The following SETBP1 variants were observed in gnomAD, a reference collection of about 807,000 sequenced individuals.
SETBP1 encodes SET binding protein 1.
A neutral mutation model predicts 101.0 loss-of-function variants in SETBP1; 9 were observed. That is an observed-to-expected ratio of 0.09 (90% CI 0.05 to 0.16). SETBP1 has a LOEUF of 0.16. Among genes scored for constraint, SETBP1 ranks in the 10% least tolerant of loss-of-function variants. The pLI, the probability that SETBP1 is intolerant of heterozygous loss-of-function variation, is 1.00. For missense variants in SETBP1, 1,858 were observed against 2,033.8 expected, an observed-to-expected ratio of 0.91 and a Z score of 1.66; for synonymous variants, 818 against 788.5, an observed-to-expected ratio of 1.04 and a Z score of -0.63.
At chr18:44,900,333 C>A (rs545197156) in intron 3 of SETBP1, among the ~76,000 whole-genome samples, 1 of 152,268 alleles carries the variant, frequency 6.6e-6, no homozygotes, top group Non-Finnish European at 1.5e-5. Context: ...TAAAGAAATT[C>A]AAGAATGTCA....
At chr18:44,984,195 G>GAAAAAC (rs1278038729) in intron 4 of SETBP1, among the ~76,000 whole-genome samples, 1 of 152,072 alleles carries the variant, frequency 6.6e-6, no homozygotes. Flanking sequence ...TCCGTCTTGG[G>GAAAAAC]AAAAACAAAA....
At chr18:44,915,609 A>G (rs1359262645) in intron 3 of SETBP1, among the ~76,000 whole-genome samples, 1 of 152,206 alleles carries the variant, frequency 6.6e-6, no homozygotes, top group East Asian at 1.9e-4. Context: ...GACGGGCAAG[A>G]TGAGAGACGG....
In SETBP1 at chr18:44,784,828, A is replaced by G. The variant is rs556049082; in HGVS notation, c.486+82996A>G. Among the ~76,000 whole-genome samples, 150 of 152,260 alleles carry G rather than the reference A, an allele frequency of 9.9e-4. 1 individual carries two copies. Among genetic ancestry groups the G allele is most frequent in the East Asian group, 1.2e-3 (6 of 5,172 alleles). The stretch of plus-strand genomic sequence containing the variant: ...ACTAGGGCCAGAGTTCAGTCTCTCA[A>G]CTCTTAGTTTATTGTTCCTTTCACT... On this transcript the variant is annotated intron_variant, in intron 2 of 5. Coordinates refer to ENST00000649279, the MANE Select transcript of SETBP1 (RefSeq NM_015559.3).
chr18:44,913,326 C>T (rs117160744), intron 3 of SETBP1, among the ~76,000 whole-genome samples: 1,801 of 152,334 alleles, frequency 0.012, 20 homozygotes, highest in Non-Finnish European at 0.02. Flanking sequence ...TCACCAGGGA[C>T]TGAGTCTTCT....
intron 2 of SETBP1, 72 bp downstream of exon 2, chr18:44,701,904 G>A (rs1279947972): frequency 6.6e-7 from 1 of 1,515,338 alleles, no homozygotes; most frequent in African/African-American, 1.4e-5. Flanking sequence ...AACTTCTTAG[G>A]GTCTATTTAT....
chr18:44,984,668 A>AT (rs1823172016), intron 4 of SETBP1, among the ~76,000 whole-genome samples: 1 of 152,196 alleles, frequency 6.6e-6, no homozygotes, highest in African/African-American at 2.4e-5. Context: ...TGTGGATTAA[A>AT]TGAGGTCACA....
At chr18:44,956,376 A>G (rs765180310) in intron 4 of SETBP1, among the ~76,000 whole-genome samples, 1 of 152,132 alleles carries the variant, frequency 6.6e-6, no homozygotes, top group Non-Finnish European at 1.5e-5. Context: ...GCCAAGTTCC[A>G]TGAAAAGACA....
rs2073968085 is a variant in SETBP1 at position 45,066,502 on chromosome 18, T to A, written c.*2804T>A. The A allele has an allele frequency of 1.3e-5, 2 of 152,156 alleles. No individual in the cohort carries two copies. The highest frequency in any genetic ancestry group is 1.3e-4 in the Admixed American group (2 of 15,266). The allele number at this position is 152,156 out of a possible 1,614,324, so 9.4% of individuals were successfully genotyped here. A position where few individuals can be genotyped will look rare whatever the true frequency, so the allele number is the denominator to read the frequency against. ...CTCATCAGTACAACCATTTTCTTAT[T>A]CTCTAACTACCCCCAATTCCTTTAG... On this transcript the variant is annotated 3_prime_UTR_variant, in exon 6 of 6. Transcript: ENST00000649279.
At chr18:44,847,042 T>G (rs112314699) in intron 2 of SETBP1, among the ~76,000 whole-genome samples, 2 of 152,272 alleles carry the variant, frequency 1.3e-5, no homozygotes, top group African/African-American at 4.8e-5. Context: ...TAGGGCCTCC[T>G]GAATGCACCA....
intron 2 of SETBP1, among the ~76,000 whole-genome samples, chr18:44,850,336 C>A (rs1308445860): frequency 6.6e-6 from 1 of 151,974 alleles, no homozygotes; most frequent in African/African-American, 2.4e-5. Flanking sequence ...GTGTACAAAG[C>A]TTTAATTCGG....
intron 3 of SETBP1, among the ~76,000 whole-genome samples, chr18:44,881,704 T>A (rs997561987): frequency 6.6e-5 from 10 of 152,160 alleles, no homozygotes; most frequent in African/African-American, 1.7e-4. Flanking sequence ...CTTCGCTAGA[T>A]CCAGATTCAT....
intron 2 of SETBP1, among the ~76,000 whole-genome samples, chr18:44,809,311 A>G (rs2071811117): frequency 6.6e-6 from 1 of 152,238 alleles, no homozygotes. Flanking sequence ...GACTGGGAAG[A>G]GACTTCAGAA....
chr18:44,893,777 G>A (rs1344852405), intron 3 of SETBP1, among the ~76,000 whole-genome samples: 2 of 152,152 alleles, frequency 1.3e-5, no homozygotes, highest in East Asian at 1.9e-4. Flanking sequence ...TGCAAATTTT[G>A]TTTCTTTAAA....
intron 2 of SETBP1, among the ~76,000 whole-genome samples, chr18:44,750,907 G>A (rs923610228): frequency 6.6e-6 from 1 of 152,212 alleles, no homozygotes. Flanking sequence ...CTGTGGGCCA[G>A]TTGAGTAGGA....
chr18:44,997,768 A>G (rs1264816802), intron 4 of SETBP1, among the ~76,000 whole-genome samples: 2 of 152,348 alleles, frequency 1.3e-5, no homozygotes, highest in African/African-American at 4.8e-5. Context: ...AATTAGGATC[A>G]TAAGCCAATC....
At chr18:45,013,736 C>G (rs1031130379) in intron 4 of SETBP1, among the ~76,000 whole-genome samples, 2 of 152,216 alleles carry the variant, frequency 1.3e-5, no homozygotes, top group Admixed American at 6.5e-5. Context: ...CCACACCCAG[C>G]CCTGACTGTT....
At chr18:44,744,775 A>AC (rs2070192984) in intron 2 of SETBP1, among the ~76,000 whole-genome samples, 2 of 127,976 alleles carry the variant, frequency 1.6e-5, no homozygotes, top group African/African-American at 2.7e-5. Context: ...CTCTTAAAAA[A>AC]AAAAAAACAA....
chr18:44,907,145 T>C (rs1403777907), intron 3 of SETBP1, among the ~76,000 whole-genome samples: 1 of 152,246 alleles, frequency 6.6e-6, no homozygotes, highest in Non-Finnish European at 1.5e-5. Context: ...CTTAGCATAG[T>C]ATTTTTAAGG....
At chr18:44,772,862 T>A (rs575214853) in intron 2 of SETBP1, among the ~76,000 whole-genome samples, 2 of 152,166 alleles carry the variant, frequency 1.3e-5, no homozygotes, top group Non-Finnish European at 2.9e-5. Context: ...ACATGTTAGA[T>A]CTTAACATGA....
Sources: allele counts gnomAD v4.1 joint callset (sites outside exome capture counted in the v4.1 genomes callset), GRCh38; gene constraint gnomAD v4.1.1; transcripts MANE v1.5; gene names NCBI Gene and HGNC (gene_info 2026-07-23, HGNC 2026-07-21).